Variants in BPTF observed in about 807,000 individuals in gnomAD.
BPTF encodes nucleosome-remodeling factor subunit BPTF.
A neutral mutation model predicts 292.5 loss-of-function variants in BPTF; 18 were observed. The observed-to-expected ratio is 0.06, with a 90% CI of 0.04 to 0.09. The LOEUF is 0.09. Among genes scored for constraint, BPTF ranks in the 10% least tolerant of loss-of-function variants. BPTF has a pLI of 1.00. For missense variants in BPTF, 2,726 were observed against 3,498.7 expected (o/e 0.78, Z 5.57); for synonymous variants, 1,225 against 1,251.9 (o/e 0.98, Z 0.45).
chr17:67,883,890 C>T (rs879628876), intron 4 of BPTF, among the ~76,000 whole-genome samples: 2 of 152,160 alleles, frequency 1.3e-5, no homozygotes, highest in South Asian at 2.1e-4. Flanking sequence ...TGAACCACCG[C>T]GCCCGGCTCG....
intron 23 of BPTF, among the ~76,000 whole-genome samples, chr17:67,954,137 C>T (rs2066700305): frequency 6.6e-6 from 1 of 150,664 alleles, no homozygotes; most frequent in African/African-American, 2.4e-5. Context: ...CGGGTACGGG[C>T]GAATGCCATG....
chr17:67,851,444 C>T (rs944494788), intron 1 of BPTF, among the ~76,000 whole-genome samples: 2 of 152,062 alleles, frequency 1.3e-5, no homozygotes, highest in Non-Finnish European at 2.9e-5. Flanking sequence ...TTAACTTTTC[C>T]TCCACATGCG....
intron 1 of BPTF, among the ~76,000 whole-genome samples, chr17:67,850,039 C>T (rs1288380057): frequency 1.3e-5 from 2 of 152,190 alleles, no homozygotes; most frequent in African/African-American, 4.8e-5. Flanking sequence ...TAAGGCTTCT[C>T]ACTGTAGTCC....
chr17:67,827,033 C>G (rs1362119740), intron 1 of BPTF, among the ~76,000 whole-genome samples: 2 of 152,146 alleles, frequency 1.3e-5, no homozygotes, highest in African/African-American at 4.8e-5. Context: ...CCAAACAAGA[C>G]CCAACCAAAT....
intron 4 of BPTF, among the ~76,000 whole-genome samples, chr17:67,881,448 C>T (rs1040907027): frequency 6.8e-6 from 1 of 148,094 alleles, no homozygotes; most frequent in African/African-American, 2.5e-5. Context: ...TTGCAAGATT[C>T]TCTGTTAACC....
chr17:67,946,381 A>T, intron 21 of BPTF, 56 bp downstream of exon 21: 1 of 1,567,808 alleles, frequency 6.4e-7, no homozygotes. Flanking sequence ...TGTGCTGTGC[A>T]GTAGAATTAG....
chr17:67,928,228 TA>T, intron 15 of BPTF, 126 bp from the exon 16 acceptor site: 1 of 1,073,174 alleles, frequency 9.3e-7, no homozygotes, highest in Non-Finnish European at 1.3e-6. Flanking sequence ...TTTTTGGAAG[TA>T]AAATACTTCA....
At chr17:67,954,028 C>T (rs1247732786) in intron 23 of BPTF, among the ~76,000 whole-genome samples, 1 of 122,228 alleles carries the variant, frequency 8.2e-6, no homozygotes, top group Non-Finnish European at 1.6e-5. Flanking sequence ...GTTCTGTTGC[C>T]CAGGCGGGAG....
intron 4 of BPTF, among the ~76,000 whole-genome samples, chr17:67,887,256 C>G (rs2060810276): frequency 6.6e-6 from 1 of 152,024 alleles, no homozygotes; most frequent in African/African-American, 2.4e-5. Context: ...CTGTGAATTG[C>G]TTATTCATAT....
At chr17:67,900,680 G>C (rs887492807) in intron 7 of BPTF, among the ~76,000 whole-genome samples, 8 of 152,096 alleles carry the variant, frequency 5.3e-5, no homozygotes, top group Non-Finnish European at 7.4e-5. Context: ...GGGGAGGTTT[G>C]ACCAAAACGA....
intron 23 of BPTF, chr17:67,956,339 AC>A (rs2066940177): frequency 6.8e-6 from 1 of 146,292 alleles, no homozygotes. Context: ...AAAAAAAAAG[AC>A]AGGGTCTCAC....
At chr17:67,885,333 A>G (rs1159744418) in intron 4 of BPTF, among the ~76,000 whole-genome samples, 3 of 152,310 alleles carry the variant, frequency 2.0e-5, no homozygotes, top group African/African-American at 7.2e-5. Context: ...CTGTAATCCC[A>G]GCCACTTTGG....
chr17:67,855,578 C>T (rs2145040017), intron 2 of BPTF, among the ~76,000 whole-genome samples: 1 of 152,258 alleles, frequency 6.6e-6, no homozygotes, highest in Non-Finnish European at 1.5e-5. Flanking sequence ...CCTCAGTGTT[C>T]CTGAGGGTTT....
At chr17:67,951,767 A>G (rs2066382545) in intron 23 of BPTF, 1 of 152,146 alleles carries the variant, frequency 6.6e-6, no homozygotes, top group African/African-American at 2.4e-5. Flanking sequence ...TACTTTGAGA[A>G]AGGAGGAGCC....
intron 19 of BPTF, among the ~76,000 whole-genome samples, chr17:67,941,189 G>A (rs192966378): frequency 6.6e-6 from 1 of 152,224 alleles, no homozygotes; most frequent in African/African-American, 2.4e-5. Context: ...GGTGGCTTGC[G>A]CCTGTAATCC....
chr17:67,850,002 C>A (rs1371007401), intron 1 of BPTF, among the ~76,000 whole-genome samples: 4 of 152,096 alleles, frequency 2.6e-5, no homozygotes, highest in African/African-American at 9.7e-5. Context: ...GTGACATATG[C>A]ACTCTGAAGT....
At position 67,911,495 on chromosome 17, in the gene BPTF, G is replaced by A. The variant is rs1162388827; in HGVS notation, c.3611G>A (p.Ser1204Asn). ...SDLASRGQEP[S>N]KSKTKGNDFF... ...CTTGCCAGTAGAGGCCAGGAACCCA[G>A]TAAGAGTAAAACAAAAGGAAATGAT... Residue 1204 changes from serine to asparagine, a missense_variant, in exon 11 of 28, where the codon AGT becomes AAT. This residue lies in a region of BPTF where 713 missense variants were observed against 714.9 expected (regional missense o/e 1.00). Coordinates refer to ENST00000306378, the MANE Select transcript of BPTF (RefSeq NM_182641.4). The A allele has an allele frequency of 1.2e-6, 2 of 1,613,740 alleles. No homozygotes were observed. Among genetic ancestry groups the A allele is most frequent in the East Asian group, 2.2e-5 (1 of 44,868 alleles).
intron 1 of BPTF, among the ~76,000 whole-genome samples, chr17:67,844,559 CTT>C (rs781082621): frequency 3.9e-5 from 5 of 128,400 alleles, no homozygotes; most frequent in Admixed American, 7.9e-5. Flanking sequence ...TTTTTTTTTT[CTT>C]TTTTTTTTTT....
chr17:67,849,318 T>C (rs1287159627), intron 1 of BPTF, among the ~76,000 whole-genome samples: 1 of 152,214 alleles, frequency 6.6e-6, no homozygotes, highest in African/African-American at 2.4e-5. Context: ...TCAGTGACCA[T>C]ATAAATCACC....
Sources: allele counts gnomAD v4.1 joint callset (sites outside exome capture counted in the v4.1 genomes callset), GRCh38; gene constraint gnomAD v4.1.1; regional missense constraint gnomAD v4.1.1; transcripts MANE v1.5; gene names NCBI Gene and HGNC (gene_info 2026-07-23, HGNC 2026-07-21).